TUBD1: variants seen among roughly 807,000 people sequenced by gnomAD.
The protein encoded by TUBD1 is tubulin delta chain.
In TUBD1, 38 loss-of-function variants were observed where a neutral mutation model predicts 51.2. The observed-to-expected ratio is 0.74, with a 90% confidence interval of 0.57 to 0.97. TUBD1 has a LOEUF of 0.97. Among genes scored for constraint, TUBD1 ranks in the 50% least tolerant of loss-of-function variants. TUBD1 has a pLI of 0.00. For missense variants in TUBD1, 489 were observed against 538.4 expected, an observed-to-expected ratio of 0.91 and a Z score of 0.91; for synonymous variants, 169 against 178.2, an observed-to-expected ratio of 0.95 and a Z score of 0.41.
At chr17:59,881,242 C>T (rs2040477153) in intron 3 of TUBD1, 132 bp from the exon 4 acceptor site, 2 of 719,596 alleles carry the variant, frequency 2.8e-6, no homozygotes, top group Non-Finnish European at 4.6e-6. Flanking sequence ...ATGAAAGGTA[C>T]AGGTACCCTG....
intron 6 of TUBD1, among the ~76,000 whole-genome samples, chr17:59,868,951 A>C (rs1340261280): frequency 6.6e-6 from 1 of 152,032 alleles, no homozygotes; most frequent in East Asian, 1.9e-4. Context: ...CAGGAGTTTG[A>C]GGCTGCATTG....
chr17:59,880,968 T>C lies in TUBD1; in HGVS notation c.463A>G (p.Thr155Ala). 1 of 1,614,200 alleles carries C rather than the reference T, an allele frequency of 6.2e-7. No individual in the cohort carries two copies. The highest frequency in any genetic ancestry group is 1.1e-5 in the South Asian group (1 of 91,088). The part of the protein sequence containing the change: ...GTGSGLGAFV[T>A]QNLEDQYSNS... ...GAGTACTGATCTTCTAAATTCTGTG[T>C]AACGAAAGCTCCTAATCCTGATCCT... Residue 155 changes from threonine (T) to alanine (A), a missense_variant, in exon 4 of 9, where the codon ACA becomes GCA. Physicochemically the swap from Thr to Ala is moderately conservative, Grantham distance 58. Coordinates refer to ENST00000325752, the MANE Select transcript of TUBD1 (RefSeq NM_016261.4).
chr17:59,884,991 C>A, intron 3 of TUBD1: 1 of 262,606 alleles, frequency 3.8e-6, no homozygotes. Flanking sequence ...AGAATCTCAG[C>A]AGAAGGGAAA....
At position 59,886,162 on chromosome 17, in the gene TUBD1, C is replaced by T. The variant is rs1411975764; in HGVS notation, c.241G>A (p.Ala81Thr). 6.2e-7 allele frequency: 1 copy of T among 1,613,804 alleles called. No homozygotes were observed. Among genetic ancestry groups the T allele is most frequent in the African/African-American group, 1.3e-5 (1 of 74,830 alleles). Residue 81 changes from alanine to threonine, a missense_variant, in exon 3 of 9, where the codon GCC becomes ACC. By Grantham distance (58) the Ala-to-Thr change is moderately conservative. Transcript: ENST00000325752. ...KVINQMLSKA[A>T]QSGQWKYGQH... ...CCATATTTCCATTGGCCAGACTGGG[C>T]AGCCTTTGACAGCATTTGATTGATA... is the stretch of plus-strand genomic sequence containing the variant.
intron 5 of TUBD1, among the ~76,000 whole-genome samples, chr17:59,876,509 C>T (rs1362408496): frequency 2.6e-5 from 4 of 151,984 alleles, no homozygotes; most frequent in Admixed American, 2.6e-4. Flanking sequence ...CATGTGCCAC[C>T]ATGCCTGGCT....
intron 4 of TUBD1, among the ~76,000 whole-genome samples, chr17:59,880,320 G>A (rs1032401262): frequency 6.6e-6 from 1 of 151,964 alleles, no homozygotes; most frequent in Non-Finnish European, 1.5e-5. Flanking sequence ...GCTTCCCAAA[G>A]TGCTGGGATT....
At chr17:59,876,083 G>A (rs1401626099) in intron 5 of TUBD1, among the ~76,000 whole-genome samples, 1 of 152,062 alleles carries the variant, frequency 6.6e-6, no homozygotes, top group Non-Finnish European at 1.5e-5. Flanking sequence ...TCTAAATGTA[G>A]AATTCTTTTC....
intron 6 of TUBD1, among the ~76,000 whole-genome samples, chr17:59,870,197 C>T (rs1328278578): frequency 6.6e-6 from 1 of 151,634 alleles, no homozygotes; most frequent in Non-Finnish European, 1.5e-5. Context: ...CCCATCTCTA[C>T]TAAAAATACA....
intron 4 of TUBD1, among the ~76,000 whole-genome samples, chr17:59,879,959 G>C (rs1393895877): frequency 6.6e-6 from 1 of 151,882 alleles, no homozygotes; most frequent in African/African-American, 2.4e-5. Flanking sequence ...CTCCATGTTG[G>C]CCAGGGTGAT....
intron 1 of TUBD1, among the ~76,000 whole-genome samples, 182 bp downstream of exon 1, chr17:59,892,515 C>A (rs932974595): frequency 6.6e-6 from 1 of 152,204 alleles, no homozygotes; most frequent in African/African-American, 2.4e-5. Flanking sequence ...GAGACAGACT[C>A]TGTGCTTAAA....
In TUBD1 at chr17:59,863,496, C is replaced by T. The variant is rs746317617; in HGVS notation, c.1259+168G>A. On this transcript the variant is annotated intron_variant, in intron 8 of 8. Transcript: ENST00000325752. Reference sequence around the variant, plus strand: ...TGGTGGTAGGCGCCTGTAATCCCAGCTACTTGGGAGGCTGCAGCAGGAGAA... The same window carrying T: ...TGGTGGTAGGCGCCTGTAATCCCAGTTACTTGGGAGGCTGCAGCAGGAGAA... 2.6e-5 allele frequency among the ~76,000 whole-genome samples: 4 copies of T among 151,832 alleles called. No homozygotes were observed. Among genetic ancestry groups the T allele is most frequent in the Admixed American group, 6.6e-5 (1 of 15,200 alleles).
At chr17:59,881,513 A>G (rs1365194408) in intron 3 of TUBD1, among the ~76,000 whole-genome samples, 1 of 152,194 alleles carries the variant, frequency 6.6e-6, no homozygotes, top group East Asian at 1.9e-4. Context: ...TTAATCAGAT[A>G]CTTTAATATT....
chr17:59,880,714 C>T (rs1222048876), intron 4 of TUBD1, among the ~76,000 whole-genome samples, 180 bp downstream of exon 4: 1 of 151,876 alleles, frequency 6.6e-6, no homozygotes, highest in East Asian at 1.9e-4. Context: ...CGGGGTTTCA[C>T]CATGTTAGCC....
At chr17:59,882,436 G>A (rs1055018558) in intron 3 of TUBD1, among the ~76,000 whole-genome samples, 7 of 151,568 alleles carry the variant, frequency 4.6e-5, no homozygotes, top group African/African-American at 1.5e-4. Flanking sequence ...AAAGGTGCGC[G>A]CCACCACACC....
intron 7 of TUBD1, among the ~76,000 whole-genome samples, chr17:59,866,110 CAAAAAAAAAAAAA>C (rs1191579900): frequency 1.3e-5 from 1 of 76,222 alleles, no homozygotes; most frequent in Non-Finnish European, 2.9e-5. Context: ...GACCCCGTCT[CAAAAAAAAAAAAA>C]AAAAAAAAAA....
intron 3 of TUBD1, chr17:59,885,139 C>G (rs776640837): frequency 1.1e-5 from 4 of 355,972 alleles, no homozygotes; most frequent in Non-Finnish European, 2.2e-5. Flanking sequence ...GGGTCCTATC[C>G]TAGGACGCCA....
intron 6 of TUBD1, among the ~76,000 whole-genome samples, chr17:59,871,503 G>A (rs184248508): frequency 1.3e-5 from 2 of 152,092 alleles, no homozygotes; most frequent in Admixed American, 1.3e-4. Context: ...CGGCCAGAAT[G>A]AAGATATTTG....
rs1460287146 is a variant in TUBD1 at position 59,888,434 on chromosome 17, G to A, written c.173-2204C>T. The stretch of plus-strand genomic sequence containing the variant: ...GTCAAATAAGCAGATCTTGTTTGAT[G>A]GTATGTATGCAGCAAGAGCACAAGG... On this transcript the variant is annotated intron_variant, in intron 2 of 8. Coordinates refer to ENST00000325752, the MANE Select transcript of TUBD1 (RefSeq NM_016261.4). 2.0e-5 allele frequency among the ~76,000 whole-genome samples: 3 copies of A among 152,160 alleles called. No individual in the cohort carries two copies. The East Asian group carries it at 5.8e-4, about 29-fold the overall frequency.
At chr17:59,882,851 C>A (rs570257163) in intron 3 of TUBD1, among the ~76,000 whole-genome samples, 1 of 151,772 alleles carries the variant, frequency 6.6e-6, no homozygotes, top group Admixed American at 6.6e-5. Flanking sequence ...GTGGCATGAT[C>A]TCTACTCACT....
Sources: gnomAD v4.1 joint callset for allele counts (sites outside exome capture counted in the v4.1 genomes callset) on GRCh38, gnomAD v4.1.1 for gene constraint, MANE v1.5 for transcripts, NCBI Gene and HGNC (gene_info 2026-07-23, HGNC 2026-07-21) for gene names.